Variants in MACROD1 observed in about 807,000 individuals in gnomAD.
MACROD1 encodes the protein mono-ADP ribosylhydrolase 1, also known as ADP-ribose glycohydrolase MACROD1.
In MACROD1, 31 loss-of-function variants were observed where a neutral mutation model predicts 41.4. The observed-to-expected ratio is 0.75, with a 90% CI of 0.56 to 1.01. MACROD1 has a LOEUF of 1.01. Ranked by LOEUF, MACROD1 falls within the 50% of genes least tolerant of loss-of-function variation. MACROD1 has a pLI of 0.00. For synonymous variants in MACROD1, 252 were observed against 203.4 expected, an observed-to-expected ratio of 1.24 and a Z score of -2.03; for missense variants, 473 against 460.0, an observed-to-expected ratio of 1.03 and a Z score of -0.26.
At chr11:64,045,698 C>T (rs1322614883) in intron 3 of MACROD1, among the ~76,000 whole-genome samples, 1 of 152,176 alleles carries the variant, frequency 6.6e-6, no homozygotes, top group East Asian at 1.9e-4. Flanking sequence ...GCTGGCCAGC[C>T]ATGTGGTTGC....
At chr11:63,999,483 C>T (rs1289915534) in intron 7 of MACROD1, 47 bp downstream of exon 7, 1 of 1,580,260 alleles carries the variant, frequency 6.3e-7, no homozygotes, top group Non-Finnish European at 8.6e-7. Flanking sequence ...CTCCCGGCGT[C>T]TGGGTCCACC....
At chr11:64,040,347 A>G (rs1020229307) in intron 3 of MACROD1, among the ~76,000 whole-genome samples, 2 of 152,164 alleles carry the variant, frequency 1.3e-5, no homozygotes, top group African/African-American at 4.8e-5. Context: ...GGACAGAAAC[A>G]AGGGCCTGGA....
chr11:64,009,719 C>A (rs761238472), intron 4 of MACROD1, among the ~76,000 whole-genome samples: 8 of 152,156 alleles, frequency 5.3e-5, no homozygotes, highest in Non-Finnish European at 1.2e-4. Context: ...GGTTAAGTCC[C>A]TTTAGCCCCA....
intron 3 of MACROD1, among the ~76,000 whole-genome samples, chr11:64,144,028 A>G (rs1188231316): frequency 5.3e-5 from 8 of 151,756 alleles, no homozygotes; most frequent in African/African-American, 1.7e-4. Flanking sequence ...TGTCCTTATT[A>G]TCTTATGCTC....
At chr11:64,030,448 C>T (rs1943279564) in intron 3 of MACROD1, among the ~76,000 whole-genome samples, 1 of 152,178 alleles carries the variant, frequency 6.6e-6, no homozygotes, top group African/African-American at 2.4e-5. Flanking sequence ...TGGGGACATG[C>T]AGGAACCCAA....
chr11:64,117,466 C>A, intron 3 of MACROD1: 8 of 1,612,964 alleles, frequency 5.0e-6, no homozygotes, highest in Non-Finnish European at 6.8e-6. Context: ...AGCAACCACG[C>A]CTCTGCCACC....
At chr11:64,077,987 C>T in intron 3 of MACROD1, among the ~76,000 whole-genome samples, 1 of 152,332 alleles carries the variant, frequency 6.6e-6, no homozygotes, top group African/African-American at 2.4e-5. Flanking sequence ...CCTGCCTCCT[C>T]CTCAGCGGGG....
chr11:64,040,579 G>T (rs1943465264), intron 3 of MACROD1, among the ~76,000 whole-genome samples: 1 of 152,224 alleles, frequency 6.6e-6, no homozygotes, highest in Admixed American at 6.5e-5. Context: ...GGGATGCCAG[G>T]TCCCCTTTTC....
intron 3 of MACROD1, chr11:64,119,027 C>A (rs1945050573): frequency 6.0e-6 from 1 of 167,302 alleles, no homozygotes; most frequent in South Asian, 2.1e-4. Context: ...GCTTTCCCTG[C>A]CACCTGGAGG....
At chr11:64,123,088 G>A (rs533113491) in intron 3 of MACROD1, among the ~76,000 whole-genome samples, 21 of 152,202 alleles carry the variant, frequency 1.4e-4, no homozygotes, top group Non-Finnish European at 2.4e-4. Flanking sequence ...GCAAAGGGGC[G>A]GGGAGGGCAA....
intron 4 of MACROD1, among the ~76,000 whole-genome samples, chr11:64,013,183 A>G (rs1371275607): frequency 6.6e-6 from 1 of 152,200 alleles, no homozygotes; most frequent in East Asian, 1.9e-4. Context: ...TTCAGGGGGT[A>G]GAAGACAAGG....
chr11:64,164,312 G>A (rs918155137), intron 1 of MACROD1, among the ~76,000 whole-genome samples: 5 of 152,232 alleles, frequency 3.3e-5, no homozygotes, highest in East Asian at 1.9e-4. Flanking sequence ...CACAAGGTCC[G>A]GTTGCTTTCC....
At chr11:64,051,483 G>A (rs1409327570) in intron 3 of MACROD1, among the ~76,000 whole-genome samples, 1 of 152,210 alleles carries the variant, frequency 6.6e-6, no homozygotes, top group Non-Finnish European at 1.5e-5. Flanking sequence ...TGGGGCGGGG[G>A]CACCCTCTCG....
chr11:64,023,319 C>T (rs1211662033), intron 3 of MACROD1, among the ~76,000 whole-genome samples: 2 of 152,158 alleles, frequency 1.3e-5, no homozygotes, highest in South Asian at 4.1e-4. Context: ...GTCCTGAAAC[C>T]CCCAGCTGTG....
At chr11:64,007,463 G>A (rs945408626) in intron 4 of MACROD1, among the ~76,000 whole-genome samples, 8 of 152,226 alleles carry the variant, frequency 5.3e-5, no homozygotes, top group African/African-American at 1.9e-4. Context: ...TCCGGGATGA[G>A]AGTCCGGGCG....
chr11:64,058,782 A>G (rs902813553), intron 3 of MACROD1, among the ~76,000 whole-genome samples: 4 of 152,208 alleles, frequency 2.6e-5, no homozygotes, highest in Non-Finnish European at 1.5e-5. Flanking sequence ...TTCCTCTGTC[A>G]TCGGCCAGGG....
chr11:64,061,947 C>T (rs1204335916), intron 3 of MACROD1, among the ~76,000 whole-genome samples: 1 of 148,058 alleles, frequency 6.8e-6, no homozygotes, highest in Non-Finnish European at 1.5e-5. Flanking sequence ...ATTCCTGGGC[C>T]TCTGCCACCA....
chr11:64,014,561 C>T (rs1009516546), intron 4 of MACROD1, among the ~76,000 whole-genome samples: 1 of 152,236 alleles, frequency 6.6e-6, no homozygotes, highest in African/African-American at 2.4e-5. Context: ...GCTGCCTGTG[C>T]AGACAGCGGG....
At chr11:64,080,740 C>A (rs984426916) in intron 3 of MACROD1, among the ~76,000 whole-genome samples, 2 of 152,144 alleles carry the variant, frequency 1.3e-5, no homozygotes, top group African/African-American at 4.8e-5. Context: ...GGGACAGGCC[C>A]CCGGCTGGAT....
Sources: gnomAD v4.1 joint callset for allele counts (sites outside exome capture counted in the v4.1 genomes callset) on GRCh38, gnomAD v4.1.1 for gene constraint, MANE v1.5 for transcripts, NCBI Gene and HGNC (gene_info 2026-07-23, HGNC 2026-07-21) for gene names.